The following CDKAL1 variants were observed in gnomAD, a reference collection of about 807,000 sequenced individuals.
CDKAL1 encodes the protein threonylcarbamoyladenosine tRNA methylthiotransferase.
In CDKAL1, 32 loss-of-function variants were observed where a neutral mutation model predicts 68.2. The ratio of observed to expected loss-of-function variants is 0.47; its 90% CI spans 0.35 to 0.63. The LOEUF is 0.63. Ranked by LOEUF, CDKAL1 falls within the 30% of genes least tolerant of loss-of-function variation. The probability of loss-of-function intolerance (pLI) is 0.00; values close to 1 mark genes in which losing one functional copy is unlikely to be tolerated. For synonymous variants in CDKAL1, 234 were observed against 244.3 expected (o/e 0.96, Z 0.39); for missense variants, 606 against 696.7 (o/e 0.87, Z 1.47).
At chr6:21,041,738 A>G (rs1769945590) in intron 11 of CDKAL1, among the ~76,000 whole-genome samples, 2 of 152,114 alleles carry the variant, frequency 1.3e-5, no homozygotes, top group South Asian at 4.1e-4. Context: ...TTTGATGAAT[A>G]GGGACTTAAT....
chr6:20,792,560 C>G (rs1775941791), intron 8 of CDKAL1, among the ~76,000 whole-genome samples: 1 of 152,124 alleles, frequency 6.6e-6, no homozygotes, highest in South Asian at 2.1e-4. Flanking sequence ...CCGTTCTCCT[C>G]CCCCACTTTC....
chr6:20,623,676 C>G (rs1426257045), intron 4 of CDKAL1, among the ~76,000 whole-genome samples: 1 of 151,992 alleles, frequency 6.6e-6, no homozygotes, highest in Admixed American at 6.6e-5. Context: ...TTGTTGGTTC[C>G]TAAGTCATGG....
At chr6:20,837,980 T>C (rs1029594316) in intron 8 of CDKAL1, among the ~76,000 whole-genome samples, 9 of 147,604 alleles carry the variant, frequency 6.1e-5, no homozygotes, top group African/African-American at 1.8e-4. Context: ...TGTGTGTGTG[T>C]GTATACTTCT....
intron 10 of CDKAL1, among the ~76,000 whole-genome samples, chr6:20,965,261 A>C (rs539994861): frequency 2.1e-5 from 3 of 144,778 alleles, no homozygotes; most frequent in African/African-American, 7.5e-5. Context: ...GTGGTGAGCT[A>C]TGATCATATA....
intron 11 of CDKAL1, among the ~76,000 whole-genome samples, chr6:21,001,848 A>G (rs527545962): frequency 3.3e-5 from 5 of 152,326 alleles, no homozygotes; most frequent in East Asian, 1.9e-4. Flanking sequence ...TTCTTTGCCT[A>G]TTACAGCAGT....
intron 8 of CDKAL1, among the ~76,000 whole-genome samples, chr6:20,840,846 A>G (rs562140140): frequency 4.6e-5 from 7 of 152,288 alleles, no homozygotes; most frequent in East Asian, 1.9e-4. Flanking sequence ...TTTAACAATG[A>G]AGTCTGGCAC....
intron 7 of CDKAL1, among the ~76,000 whole-genome samples, chr6:20,759,517 A>G (rs1023537054): frequency 1.1e-4 from 16 of 152,296 alleles, no homozygotes; most frequent in African/African-American, 3.4e-4. Flanking sequence ...ACTCCAGCCC[A>G]GTTGACAGAG....
chr6:20,724,623 T>TG (rs573734813), intron 5 of CDKAL1, among the ~76,000 whole-genome samples: 83 of 152,040 alleles, frequency 5.5e-4, no homozygotes, highest in African/African-American at 1.8e-3. Flanking sequence ...AGGCTGAGCC[T>TG]GGGGGGCGGA....
chr6:20,540,491 T>C (rs1033325193), intron 2 of CDKAL1, among the ~76,000 whole-genome samples: 2 of 151,890 alleles, frequency 1.3e-5, no homozygotes, highest in African/African-American at 2.4e-5. Flanking sequence ...CTTCGCCCTT[T>C]GTCGCCCAGG....
chr6:20,678,234 A>G (rs1770212200), intron 5 of CDKAL1, among the ~76,000 whole-genome samples: 1 of 152,252 alleles, frequency 6.6e-6, no homozygotes, highest in East Asian at 1.9e-4. Context: ...AGGTATCTAT[A>G]GATGTTCTAA....
At chr6:20,556,710 T>C (rs1764056659) in intron 4 of CDKAL1, among the ~76,000 whole-genome samples, 1 of 151,988 alleles carries the variant, frequency 6.6e-6, no homozygotes, top group African/African-American at 2.4e-5. Flanking sequence ...AAAAACAAAA[T>C]GTTAACTTAG....
intron 4 of CDKAL1, among the ~76,000 whole-genome samples, chr6:20,584,411 C>T (rs2127693113): frequency 1.3e-5 from 2 of 152,224 alleles, no homozygotes; most frequent in African/African-American, 4.8e-5. Flanking sequence ...TGAGTAGTCA[C>T]CATTTTGGGA....
intron 8 of CDKAL1, among the ~76,000 whole-genome samples, chr6:20,802,315 C>CAATAATAATAATAATAAT (rs55851833): frequency 5.2e-5 from 6 of 115,490 alleles, no homozygotes; most frequent in South Asian, 5.6e-4. Flanking sequence ...ACAACAACAA[C>CAATAATAATAATAATAAT]AATAATAATA....
intron 10 of CDKAL1, among the ~76,000 whole-genome samples, chr6:20,964,692 A>ATCTTC (rs1765218233): frequency 6.6e-6 from 1 of 152,136 alleles, no homozygotes; most frequent in African/African-American, 2.4e-5. Context: ...AGGAAGAATA[A>ATCTTC]CTAATGGATG....
At chr6:20,842,779 C>T (rs1484008373) in intron 8 of CDKAL1, among the ~76,000 whole-genome samples, 5 of 152,162 alleles carry the variant, frequency 3.3e-5, no homozygotes, top group Admixed American at 1.3e-4. Context: ...TGCAGTGAGC[C>T]GAGATCACGA....
chr6:20,577,335 C>T (rs557520462), intron 4 of CDKAL1, among the ~76,000 whole-genome samples: 4 of 152,234 alleles, frequency 2.6e-5, no homozygotes, highest in East Asian at 1.9e-4. Context: ...ATGTAGGGGG[C>T]GGGGGTTAGG....
At chr6:20,623,409 G>C (rs1308872118) in intron 4 of CDKAL1, among the ~76,000 whole-genome samples, 1 of 152,034 alleles carries the variant, frequency 6.6e-6, no homozygotes, top group African/African-American at 2.4e-5. Context: ...TAGTTTGTCA[G>C]CTTAGACTTA....
chr6:20,642,899 AAAC>A (rs79933332), intron 4 of CDKAL1, among the ~76,000 whole-genome samples: 15,357 of 150,264 alleles, frequency 0.1, 885 homozygotes, highest in African/African-American at 0.16. Context: ...ACTTTGTCTC[AAAC>A]AACAACAACA....
At position 20,618,954 on chromosome 6, in the gene CDKAL1, C is replaced by T. The variant is rs1045545842; in HGVS notation, c.287-30339C>T. On this transcript the variant is annotated intron_variant, in intron 4 of 15. Transcript: ENST00000274695. The stretch of plus-strand genomic sequence containing the variant: ...TTGGCCTCCCAAAGTGCTGGGATTA[C>T]AGGGGTGAGCCATTGCACCTGGTGA... 2.2e-4 allele frequency among the ~76,000 whole-genome samples: 33 copies of T among 152,292 alleles called. 1 individual carries two copies. Among genetic ancestry groups the T allele is most frequent in the South Asian group, 4.1e-4 (2 of 4,828 alleles).
Sources: allele counts gnomAD v4.1 joint callset (sites outside exome capture counted in the v4.1 genomes callset), GRCh38; gene constraint gnomAD v4.1.1; transcripts MANE v1.5; gene names NCBI Gene and HGNC (gene_info 2026-07-23, HGNC 2026-07-21).